ARHGEF12: variants seen among roughly 807,000 people sequenced by gnomAD.
The protein encoded by ARHGEF12 is KMT2A/ARHGEF12 fusion protein.
In ARHGEF12, 66 loss-of-function variants were observed where a neutral mutation model predicts 211.2. That is an observed-to-expected ratio of 0.31 (90% CI 0.26 to 0.38). The LOEUF (loss-of-function observed/expected upper bound fraction) is 0.38, where lower values mean the gene tolerates loss of function less well. ARHGEF12 is among the 10% of genes least tolerant of loss of function. ARHGEF12 has a pLI of 1.00. For missense variants in ARHGEF12, 1,429 were observed against 1,869.5 expected, an observed-to-expected ratio of 0.76 and a Z score of 4.34; for synonymous variants, 592 against 638.4, an observed-to-expected ratio of 0.93 and a Z score of 1.09.
rs1040969187 is a variant in ARHGEF12 at position 120,344,457 on chromosome 11, A to T, written c.32+7182A>T. Among the ~76,000 whole-genome samples the T allele has an allele frequency of 6.1e-4, 93 of 152,088 alleles. No homozygotes were observed. In the Middle Eastern group the frequency reaches 0.01, roughly 17 times the overall value. ...AGACATACCCTTCCATAGATTTTAG[A>T]TGGGTTATCTGCCTATGTTCCAGAC... On this transcript the variant is annotated intron_variant, in intron 1 of 40. Transcript: ENST00000397843.
chr11:120,399,494 G>C (rs1044045721), intron 1 of ARHGEF12, among the ~76,000 whole-genome samples: 5 of 152,058 alleles, frequency 3.3e-5, no homozygotes, highest in South Asian at 2.1e-4. Flanking sequence ...CTGTTTAGCT[G>C]TCTGGCATAT....
chr11:120,387,676 G>A (rs1401943667), intron 1 of ARHGEF12, among the ~76,000 whole-genome samples: 3 of 152,022 alleles, frequency 2.0e-5, no homozygotes, highest in African/African-American at 4.8e-5. Context: ...GCTAACCATA[G>A]GTTTGTTTAC....
chr11:120,477,419 G>GTTTT lies in ARHGEF12; in HGVS notation c.3453-12_3453-9dup, dbSNP rs371114939. ...GTTTAGATACCTCAGGAAGGTAAAA[G>GTTTT]TTTTTTTTTTTTTTTTTTTCTCTAC... On this transcript the variant is annotated intron_variant, in intron 35 of 40. Coordinates refer to ENST00000397843, the MANE Select transcript of ARHGEF12 (RefSeq NM_015313.3). The GTTTT allele has an allele frequency of 6.7e-4, 837 of 1,249,480 alleles. 3 individuals are homozygous for GTTTT. Among genetic ancestry groups the GTTTT allele is most frequent in the South Asian group, 2.7e-3 (189 of 70,306 alleles). 77.4% of individuals were successfully genotyped at this position (1,249,480 alleles called of 1,614,324 possible).
intron 1 of ARHGEF12, among the ~76,000 whole-genome samples, chr11:120,363,050 A>G (rs1179085629): frequency 6.6e-6 from 1 of 152,232 alleles, no homozygotes; most frequent in Non-Finnish European, 1.5e-5. Flanking sequence ...CAGTGAGCTG[A>G]GATCGCACCA....
Position 120,368,238 on chromosome 11 carries a change from T to G in ARHGEF12, c.32+30963T>G, listed in dbSNP as rs1333307743. Among the ~76,000 whole-genome samples, 3 of 152,278 alleles carry G rather than the reference T, an allele frequency of 2.0e-5. No individual in the cohort carries two copies. The East Asian group carries it at 5.8e-4, about 29-fold the overall frequency. Reference sequence around the variant, plus strand: ...CTATCTCCATGATAACAACATCATCTTATATCATGACTACTGACTAAAATC... The same window carrying G: ...CTATCTCCATGATAACAACATCATCGTATATCATGACTACTGACTAAAATC... On this transcript the variant is annotated intron_variant, in intron 1 of 40. Transcript: ENST00000397843.
chr11:120,406,962 G>A (rs1015894068), intron 2 of ARHGEF12, among the ~76,000 whole-genome samples: 7 of 152,090 alleles, frequency 4.6e-5, no homozygotes, highest in African/African-American at 1.4e-4. Flanking sequence ...GGTCTTAAAT[G>A]CCTCTTCCTC....
intron 1 of ARHGEF12, among the ~76,000 whole-genome samples, chr11:120,394,982 A>G (rs2135515617): frequency 6.7e-6 from 1 of 149,010 alleles, no homozygotes; most frequent in African/African-American, 2.5e-5. Flanking sequence ...GCTTGAGCCC[A>G]GGAGGTAGAG....
At chr11:120,433,743 C>A (rs1484635868) in intron 11 of ARHGEF12, among the ~76,000 whole-genome samples, 1 of 152,092 alleles carries the variant, frequency 6.6e-6, no homozygotes, top group Admixed American at 6.5e-5. Flanking sequence ...GTCACAAGGT[C>A]AGGAGTTCAA....
At chr11:120,341,764 G>T (rs1942543760) in intron 1 of ARHGEF12, among the ~76,000 whole-genome samples, 1 of 152,172 alleles carries the variant, frequency 6.6e-6, no homozygotes, top group Non-Finnish European at 1.5e-5. Context: ...GGTCTTTTCT[G>T]TTAAAACTTG....
chr11:120,411,591 T>A (rs1944882992), intron 4 of ARHGEF12: 1 of 131,728 alleles, frequency 7.6e-6, no homozygotes, highest in Non-Finnish European at 1.6e-5. Context: ...CTTTTTTTTT[T>A]TTTTTTTTTT....
At chr11:120,484,359 T>G (rs1174136293) in intron 39 of ARHGEF12, 79 bp from the exon 40 acceptor site, 6 of 1,322,466 alleles carry the variant, frequency 4.5e-6, no homozygotes, top group Middle Eastern at 1.8e-4. Flanking sequence ...AAAAAGGGCT[T>G]CTTTTCTGTT....
At chr11:120,392,528 T>C (rs1400816135) in intron 1 of ARHGEF12, among the ~76,000 whole-genome samples, 1 of 152,204 alleles carries the variant, frequency 6.6e-6, no homozygotes, top group African/African-American at 2.4e-5. Flanking sequence ...TGTACTTGGC[T>C]GCCTGTAACG....
intron 1 of ARHGEF12, among the ~76,000 whole-genome samples, chr11:120,371,766 G>C (rs1943595329): frequency 6.6e-6 from 1 of 152,086 alleles, no homozygotes; most frequent in East Asian, 1.9e-4. Flanking sequence ...AGGTAAATAT[G>C]ATTTGGTTCT....
intron 25 of ARHGEF12, 179 bp from the exon 26 acceptor site, chr11:120,458,993 CAG>C (rs1369165666): frequency 2.2e-6 from 1 of 452,922 alleles, no homozygotes; most frequent in Non-Finnish European, 3.6e-6. Context: ...ATTCAACTCT[CAG>C]AGCCAGTATG....
intron 1 of ARHGEF12, among the ~76,000 whole-genome samples, chr11:120,375,036 A>G (rs1362920007): frequency 6.6e-6 from 1 of 152,200 alleles, no homozygotes; most frequent in Non-Finnish European, 1.5e-5. Context: ...CAGTGAAAAT[A>G]AAGAATGGGT....
chr11:120,385,477 G>C lies in ARHGEF12; in HGVS notation c.33-20641G>C, dbSNP rs149747389. On this transcript the variant is annotated intron_variant, in intron 1 of 40. Transcript: ENST00000397843. ...CTTTTGCTTGTCTGCTGATTTGTCC[G>C]GTGATCCAGGTAATCTACTGCAGTC... 2.5e-3 allele frequency: 2,417 copies of C among 985,276 alleles called. 48 individuals are homozygous for C. In the African/African-American group the frequency reaches 0.039, roughly 16 times the overall value. 61.0% of individuals were successfully genotyped at this position (985,276 alleles called of 1,614,324 possible).
chr11:120,371,693 A>G (rs1183591163), intron 1 of ARHGEF12, among the ~76,000 whole-genome samples: 1 of 152,214 alleles, frequency 6.6e-6, no homozygotes, highest in African/African-American at 2.4e-5. Flanking sequence ...AAATATGATA[A>G]TTATGAGGGC....
At chr11:120,416,381 A>G (rs994658510) in intron 4 of ARHGEF12, among the ~76,000 whole-genome samples, 1 of 152,234 alleles carries the variant, frequency 6.6e-6, no homozygotes, top group African/African-American at 2.4e-5. Context: ...GAATAAAAAC[A>G]AATACAAATC....
chr11:120,407,697 T>C (rs1944751728), intron 2 of ARHGEF12, 41 bp from the exon 3 acceptor site: 4 of 1,459,408 alleles, frequency 2.7e-6, no homozygotes, highest in Non-Finnish European at 3.8e-6. Context: ...ATTCTAATGA[T>C]TTTCTTGCAC....
Sources: allele counts gnomAD v4.1 joint callset (sites outside exome capture counted in the v4.1 genomes callset), GRCh38; gene constraint gnomAD v4.1.1; transcripts MANE v1.5; gene names NCBI Gene and HGNC (gene_info 2026-07-23, HGNC 2026-07-21).